Variants in SYNCRIP observed in about 807,000 individuals in gnomAD.
SYNCRIP encodes synaptotagmin binding cytoplasmic RNA interacting protein.
Under a neutral mutation model 68.9 loss-of-function variants are expected in SYNCRIP, and 9 were observed. The observed-to-expected ratio is 0.13, with a 90% confidence interval of 0.08 to 0.23. The LOEUF (loss-of-function observed/expected upper bound fraction) is 0.23, where lower values mean the gene tolerates loss of function less well. SYNCRIP is among the 10% of genes least tolerant of loss of function. The pLI, the probability that SYNCRIP is intolerant of heterozygous loss-of-function variation, is 1.00. For missense variants in SYNCRIP, 414 were observed against 770.6 expected, an observed-to-expected ratio of 0.54 and a Z score of 5.48; for synonymous variants, 258 against 254.0, an observed-to-expected ratio of 1.02 and a Z score of -0.15.
At chr6:85,643,615 AC>A (rs1377959269), upstream of SYNCRIP, 1 of 36,462 alleles carries the variant, frequency 2.7e-5, no homozygotes, top group East Asian at 8.2e-4. Context: ...GCCCCACCCC[AC>A]CCCCTCCCCG....
At chr6:85,629,822 A>C (rs1807508546) in intron 6 of SYNCRIP, among the ~76,000 whole-genome samples, 1 of 151,892 alleles carries the variant, frequency 6.6e-6, no homozygotes, top group South Asian at 2.1e-4. Context: ...ATTCATATCA[A>C]AACAAAACAA....
At chr6:85,619,169 A>G in intron 9 of SYNCRIP, 99 bp downstream of exon 9, 1 of 1,498,310 alleles carries the variant, frequency 6.7e-7, no homozygotes, top group Non-Finnish European at 9.1e-7. Flanking sequence ...GATTCCATGG[A>G]CTTCCAAAGT....
chr6:85,615,084 G>A lies in SYNCRIP; in HGVS notation c.1544C>T (p.Ala515Val). 2 of 1,614,110 alleles carry A rather than the reference G, an allele frequency of 1.2e-6. No homozygotes were observed. The highest frequency in any genetic ancestry group is 1.7e-6 in the Non-Finnish European group (2 of 1,180,026). ...ATAACCGGCTCTACCGCGGGGAGGA[G>A]CAGCCCCACGACCTCTGGATGGAGC... ...GAAPSRGRGA[A>V]PPRGRAGYSQ... is the part of the protein sequence containing the mutation. Residue 515 changes from alanine (A) to valine (V), a missense_variant, in exon 11 of 11, where the codon GCT (alanine) becomes GTT (valine). Coordinates refer to ENST00000369622, the MANE Select transcript of SYNCRIP (RefSeq NM_006372.5).
chr6:85,615,588 T>C (rs1805678567), intron 10 of SYNCRIP, among the ~76,000 whole-genome samples: 2 of 152,242 alleles, frequency 1.3e-5, no homozygotes, highest in Admixed American at 6.5e-5. Context: ...TATTTCTTCA[T>C]GATCTTCAAA....
At chr6:85,640,120 C>T (rs1808955590) in intron 4 of SYNCRIP, 101 bp downstream of exon 4, 2 of 767,032 alleles carry the variant, frequency 2.6e-6, no homozygotes, top group African/African-American at 1.8e-5. Context: ...TGAATTATCT[C>T]AACATCTAAC....
chr6:85,623,826 A>C, intron 7 of SYNCRIP, 151 bp downstream of exon 7: 1 of 891,878 alleles, frequency 1.1e-6, no homozygotes, highest in Non-Finnish European at 1.7e-6. Context: ...TGTTCTTCTT[A>C]TCTGAAAAAT....
At chr6:85,643,254 C>G (rs1809426389), upstream of SYNCRIP, 1 of 152,484 alleles carries the variant, frequency 6.6e-6, no homozygotes, top group South Asian at 2.1e-4. Context: ...CTCCCTCCCT[C>G]GCTCGCTCGC....
At chr6:85,626,701 A>C (rs1807076326) in intron 6 of SYNCRIP, among the ~76,000 whole-genome samples, 1 of 152,218 alleles carries the variant, frequency 6.6e-6, no homozygotes, top group Non-Finnish European at 1.5e-5. Context: ...GAAGACAGCT[A>C]ATCTGTAACA....
chr6:85,640,101 A>T (rs890147695), intron 4 of SYNCRIP, 120 bp downstream of exon 4: 21 of 715,450 alleles, frequency 2.9e-5, no homozygotes, highest in Non-Finnish European at 4.5e-5. Flanking sequence ...AGGAATTAGG[A>T]AAGATTGATG....
chr6:85,619,440 C>T, intron 8 of SYNCRIP, 23 bp from the exon 9 acceptor site: 2 of 1,599,676 alleles, frequency 1.3e-6, no homozygotes, highest in South Asian at 2.3e-5. Flanking sequence ...AAATACCCCC[C>T]TGTATTATTT....
intron 6 of SYNCRIP, among the ~76,000 whole-genome samples, chr6:85,634,503 T>C (rs1808209330): frequency 6.6e-6 from 1 of 151,972 alleles, no homozygotes; most frequent in South Asian, 2.1e-4. Context: ...CATACCAAAA[T>C]CCATGAATGC....
In SYNCRIP at chr6:85,614,851, G is replaced by A; in HGVS notation, c.1777C>T (p.Gln593Ter). Residue 593 changes from glutamine to a stop codon, truncating the protein, a stop_gained, in exon 11 of 11, where the codon CAA becomes TAA. Transcript: ENST00000369622. LOFTEE classifies it high-confidence loss of function. The part of the protein sequence containing the change: ...QNWGSQPIAQ[Q>*]PLQGGDHSGN... Reference sequence around the variant, plus strand: ...GAATGATCACCACCTTGGAGCGGTTGCTGAGCAATGGGTTGGGAGCCCCAG... The same window carrying A: ...GAATGATCACCACCTTGGAGCGGTTACTGAGCAATGGGTTGGGAGCCCCAG... 1 of 1,614,016 alleles carries A rather than the reference G, an allele frequency of 6.2e-7. No homozygotes were observed. Among genetic ancestry groups the A allele is most frequent in the East Asian group, 2.2e-5 (1 of 44,884 alleles).
downstream of SYNCRIP, chr6:85,611,910 T>G (rs890460465): frequency 6.6e-6 from 1 of 152,540 alleles, no homozygotes; most frequent in Non-Finnish European, 1.5e-5. Flanking sequence ...CAATTGTCAG[T>G]TTTAGTCTGA....
chr6:85,613,830 GT>G, downstream of SYNCRIP: 1 of 312,176 alleles, frequency 3.2e-6, no homozygotes, highest in Non-Finnish European at 4.7e-6. Context: ...CTCAATCTGA[GT>G]TTTAGGTTAG....
chr6:85,640,625 T>G, intron 2 of SYNCRIP, 61 bp from the exon 3 acceptor site: 1 of 1,065,378 alleles, frequency 9.4e-7, no homozygotes, highest in Non-Finnish European at 1.4e-6. Context: ...TAGAGAAGAC[T>G]ATGTTGGCAA....
rs1393237691 is a variant in SYNCRIP at position 85,615,320 on chromosome 6, T to C, written c.1308A>G (p.Pro436=). 18 of 1,543,098 alleles carry C rather than the reference T, an allele frequency of 1.2e-5. No homozygotes were observed. The highest frequency in any genetic ancestry group is 1.5e-5 in the Non-Finnish European group (17 of 1,141,346). Residue 436 remains proline (P), a synonymous_variant, in exon 11 of 11, where the codon CCA becomes CCG. Coordinates refer to ENST00000369622, the MANE Select transcript of SYNCRIP (RefSeq NM_006372.5). The part of the protein sequence containing the change: ...QMYDDYYYYG[P]PHMPPPTRGR... ...CTCTTGTTGGAGGGGGCATATGAGG[T>C]GGACCATAATAGTAGTAATCGTCAT...
rs777166944 is a variant in SYNCRIP, at chr6:85,619,260, A to G, written c.1158+8T>C. 7 of 1,612,596 alleles carry G rather than the reference A, an allele frequency of 4.3e-6. No individual in the cohort carries two copies. Among genetic ancestry groups the G allele is most frequent in the Middle Eastern group, 1.7e-4 (1 of 6,056 alleles). On this transcript the variant is annotated splice_region_variant and intron_variant, in intron 9 of 10. Transcript: ENST00000369622. ...TGATTTAGATGCCTGTAATTCCACC[A>G]TATTTACCTTGACAGCACCATCTCG...
At chr6:85,612,109 G>A (rs980929513), downstream of SYNCRIP, 4 of 152,090 alleles carry the variant, frequency 2.6e-5, no homozygotes. Context: ...ATGGTCATGA[G>A]GAAGTCTTAC....
chr6:85,613,541 T>C (rs1193524855), downstream of SYNCRIP, among the ~76,000 whole-genome samples: 1 of 152,182 alleles, frequency 6.6e-6, no homozygotes, highest in African/African-American at 2.4e-5. Flanking sequence ...GTTAGAAGTA[T>C]AGACCATATG....
Sources: gnomAD v4.1 joint callset for allele counts (sites outside exome capture counted in the v4.1 genomes callset) on GRCh38, gnomAD v4.1.1 for gene constraint, MANE v1.5 for transcripts, NCBI Gene and HGNC (gene_info 2026-07-23, HGNC 2026-07-21) for gene names.